Variants in DPYSL3 observed in about 807,000 individuals in gnomAD.
The protein encoded by DPYSL3 is dihydropyrimidinase-related protein 3.
In DPYSL3, 16 loss-of-function variants were observed where a neutral mutation model predicts 66.1. The observed-to-expected ratio is 0.24, with a 90% CI of 0.16 to 0.37. The LOEUF is 0.37. DPYSL3 is among the 10% of genes least tolerant of loss of function. The pLI, the probability that DPYSL3 is intolerant of heterozygous loss-of-function variation, is 1.00. For missense variants in DPYSL3, 738 were observed against 916.2 expected, an observed-to-expected ratio of 0.81 and a Z score of 2.51; for synonymous variants, 338 against 345.1, an observed-to-expected ratio of 0.98 and a Z score of 0.23.
At chr5:147,446,213 C>T (rs1752626832) in intron 1 of DPYSL3, among the ~76,000 whole-genome samples, 1 of 152,180 alleles carries the variant, frequency 6.6e-6, no homozygotes, top group Admixed American at 6.5e-5. Context: ...TCAATGCCCT[C>T]ATTTTACTGA....
rs1753732400 is a variant in DPYSL3 at position 147,509,690 on chromosome 5, C to T, written c.169G>A (p.Val57Met). ...SKTLDFDALS[V>M]GQRGAKTPRS... ...GGAGTCTTCGCGCCCCGCTGCCCCA[C>T]GCTGAGGGCATCGAAATCCAGCGTC... Residue 57 changes from valine (V) to methionine (M), a missense_variant, in exon 1 of 14, where the codon GTG becomes ATG. Val to Met is a conservative substitution (Grantham distance 21, BLOSUM62 1). Coordinates refer to ENST00000343218, the MANE Select transcript of DPYSL3 (RefSeq NM_001197294.2). This position sits in a 1 kb window ranked among gnomAD's most constrained non-coding sequence, Gnocchi z 5.3. The T allele has an allele frequency of 2.0e-6, 3 of 1,535,964 alleles. No individual in the cohort carries two copies. Among genetic ancestry groups the T allele is most frequent in the Non-Finnish European group, 1.7e-6 (2 of 1,146,784 alleles).
In DPYSL3 at chr5:147,405,658, C is replaced by T; in HGVS notation, c.1105G>A (p.Val369Ile). ...AGGTCAGCTGCACTCTTGCTCATGACCTTTGTGACGTAGAGAGGGCAATTG... is the reference window on the plus strand; with the variant it reads ...AGGTCAGCTGCACTCTTGCTCATGATCTTTGTGACGTAGAGAGGGCAATTG... ...QTNCPLYVTK[V>I]MSKSAADLIS... The change falls in exon 8 of 14, where the codon GTC becomes ATC. Residue 369 changes from valine to isoleucine, a missense_variant. Physicochemically the swap from Val to Ile is conservative, Grantham distance 29. Transcript: ENST00000343218. 8.7e-6 allele frequency: 14 copies of T among 1,614,008 alleles called. No individual in the cohort carries two copies. The highest frequency in any genetic ancestry group is 1.1e-5 in the Non-Finnish European group (13 of 1,179,940).
At chr5:147,395,489 C>T in intron 13 of DPYSL3, 70 bp downstream of exon 13, 1 of 1,530,304 alleles carries the variant, frequency 6.5e-7, no homozygotes, top group Non-Finnish European at 8.8e-7. Flanking sequence ...TGAGGAACAC[C>T]CTGTGGCCTC....
chr5:147,412,043 T>G (rs1276570370), intron 6 of DPYSL3, among the ~76,000 whole-genome samples: 1 of 152,170 alleles, frequency 6.6e-6, no homozygotes, highest in Admixed American at 6.5e-5. Flanking sequence ...GATGGAGAGA[T>G]AACTGCTTCC....
At chr5:147,413,518 G>T in intron 5 of DPYSL3, 78 bp downstream of exon 5, 2 of 1,189,796 alleles carry the variant, frequency 1.7e-6, no homozygotes, top group East Asian at 2.4e-5. Context: ...AGTGATTCAT[G>T]TTACAAGGGC....
intron 1 of DPYSL3, among the ~76,000 whole-genome samples, chr5:147,493,801 G>C (rs185292178): frequency 1.1e-4 from 17 of 152,124 alleles, no homozygotes; most frequent in Non-Finnish European, 1.2e-4. Context: ...ATATTTAAAA[G>C]AATAAAATCA....
At chr5:147,491,697 A>G (rs1300766191) in intron 1 of DPYSL3, among the ~76,000 whole-genome samples, 1 of 152,154 alleles carries the variant, frequency 6.6e-6, no homozygotes, top group South Asian at 2.1e-4. Context: ...TGAGAAAATA[A>G]TGTCTGAGCT....
At chr5:147,424,538 A>G (rs1752156583) in intron 2 of DPYSL3, among the ~76,000 whole-genome samples, 1 of 152,208 alleles carries the variant, frequency 6.6e-6, no homozygotes, top group Admixed American at 6.5e-5. Context: ...CCAAAGCATT[A>G]CTTCTAAATA....
intron 1 of DPYSL3, among the ~76,000 whole-genome samples, chr5:147,426,000 A>ACCATCCATCCAT (rs375856381): frequency 6.7e-6 from 1 of 150,016 alleles, no homozygotes; most frequent in Non-Finnish European, 1.5e-5. Context: ...TTCAACTCCA[A>ACCATCCATCCAT]CCATCCATCC....
chr5:147,478,971 T>C (rs909589744), intron 1 of DPYSL3, among the ~76,000 whole-genome samples: 3 of 152,200 alleles, frequency 2.0e-5, no homozygotes, highest in Non-Finnish European at 2.9e-5. Flanking sequence ...TTTTTCTTTA[T>C]CAAGTATTTG....
intron 8 of DPYSL3, among the ~76,000 whole-genome samples, chr5:147,404,322 C>G (rs969875831): frequency 3.9e-5 from 6 of 152,184 alleles, no homozygotes; most frequent in African/African-American, 1.4e-4. Flanking sequence ...AGTGTCTAGA[C>G]AATGTGAAAG....
intron 1 of DPYSL3, chr5:147,472,898 A>G (rs1203844988): frequency 6.6e-6 from 1 of 152,146 alleles, no homozygotes; most frequent in African/African-American, 2.4e-5. Context: ...TAACAACGCA[A>G]AATGAAATGC....
intron 3 of DPYSL3, 116 bp from the exon 4 acceptor site, chr5:147,415,989 G>C: frequency 8.2e-7 from 1 of 1,221,892 alleles, no homozygotes; most frequent in Non-Finnish European, 1.1e-6. Context: ...CCTGAGCATG[G>C]AATTAACTTT....
intron 1 of DPYSL3, among the ~76,000 whole-genome samples, chr5:147,430,056 T>C (rs1752278113): frequency 6.7e-6 from 1 of 148,632 alleles, no homozygotes. Context: ...AAACTAACCA[T>C]AAAAAACTCA....
intron 1 of DPYSL3, among the ~76,000 whole-genome samples, chr5:147,458,386 G>C (rs912152513): frequency 3.9e-5 from 6 of 152,094 alleles, no homozygotes; most frequent in Non-Finnish European, 7.4e-5. Context: ...TACCCTAGAT[G>C]GTCTAAAAAG....
intron 12 of DPYSL3, 120 bp downstream of exon 12, chr5:147,397,546 G>T: frequency 9.2e-7 from 1 of 1,083,718 alleles, no homozygotes; most frequent in Non-Finnish European, 1.3e-6. Context: ...GGACAAGACT[G>T]TCACTGAATT....
At chr5:147,403,484 C>G (rs376850473) in intron 8 of DPYSL3, among the ~76,000 whole-genome samples, 104 of 152,204 alleles carry the variant, frequency 6.8e-4, no homozygotes, top group African/African-American at 2.4e-3. Flanking sequence ...AGTTGTGCTG[C>G]AATTTCATCT....
intron 1 of DPYSL3, among the ~76,000 whole-genome samples, chr5:147,426,980 C>T (rs762427977): frequency 2.1e-4 from 32 of 152,198 alleles, no homozygotes; most frequent in Non-Finnish European, 4.1e-4. Flanking sequence ...ACAAGCCCCT[C>T]ATGATCTGGT....
intron 1 of DPYSL3, among the ~76,000 whole-genome samples, chr5:147,475,963 T>A (rs1270705583): frequency 1.3e-5 from 2 of 152,110 alleles, no homozygotes; most frequent in African/African-American, 2.4e-5. Context: ...GGAAGTAAAA[T>A]TATTAAATAT....
Sources: gnomAD v4.1 joint callset for allele counts (sites outside exome capture counted in the v4.1 genomes callset) on GRCh38, gnomAD v4.1.1 for gene constraint, Gnocchi (gnomAD v3.1) non-coding constraint, MANE v1.5 for transcripts, NCBI Gene and HGNC (gene_info 2026-07-23, HGNC 2026-07-21) for gene names.